The following MTR variants were observed in gnomAD, a reference collection of about 807,000 sequenced individuals.
MTR encodes methionine synthase.
Under a neutral mutation model 154.8 loss-of-function variants are expected in MTR, and 84 were observed. The ratio of observed to expected loss-of-function variants is 0.54; its 90% confidence interval spans 0.45 to 0.65. The LOEUF is 0.65. MTR is among the 30% of genes least tolerant of loss of function. The pLI is 0.00. For missense variants in MTR, 1,275 were observed against 1,570.2 expected (o/e 0.81, Z 3.18); for synonymous variants, 554 against 553.9 (o/e 1.00, Z 0.00).
chr1:236,893,219 ATGCACAGCTGTCCC>A (rs1666429974), intron 29 of MTR, among the ~76,000 whole-genome samples: 3 of 152,136 alleles, frequency 2.0e-5, no homozygotes, highest in Admixed American at 2.0e-4. Context: ...CGGCTTCCCC[ATGCACAGCTGTCCC>A]TGAGCTCTGT....
chr1:236,891,362 C>CT (rs1419926484), intron 29 of MTR, 33 bp downstream of exon 29: 1 of 1,594,572 alleles, frequency 6.3e-7, no homozygotes, highest in African/African-American at 1.3e-5. Context: ...CAGCACACCG[C>CT]TTTCGCTTGT....
At chr1:236,807,107 T>C (rs1346383315) in intron 3 of MTR, among the ~76,000 whole-genome samples, 1 of 152,206 alleles carries the variant, frequency 6.6e-6, no homozygotes, top group Non-Finnish European at 1.5e-5. Flanking sequence ...ACACAGAAGT[T>C]GAATTGTTAG....
At chr1:236,837,059 C>T (rs1431631194) in intron 14 of MTR, among the ~76,000 whole-genome samples, 1 of 152,172 alleles carries the variant, frequency 6.6e-6, no homozygotes, top group African/African-American at 2.4e-5. Flanking sequence ...TGCCCTACTA[C>T]CACAACTTAT....
intron 14 of MTR, among the ~76,000 whole-genome samples, chr1:236,836,616 G>GT (rs1225475132): frequency 1.3e-5 from 2 of 152,084 alleles, no homozygotes; most frequent in African/African-American, 2.4e-5. Context: ...TGAGCTCTTG[G>GT]TTTTTTTATT....
rs780766870 is a variant in MTR at position 236,816,437 on chromosome 1, T to C, written c.670-12T>C. On this transcript the variant is annotated splice_polypyrimidine_tract_variant and intron_variant, in intron 7 of 32. Transcript: ENST00000366577. ...GTCTGTATTGTTGACTTTGTTTACT[T>C]TGTCAATTCAGATTTCAGGGACGAT... is the stretch of plus-strand genomic sequence containing the variant. The C allele has an allele frequency of 2.5e-6, 4 of 1,611,724 alleles. No individual in the cohort carries two copies. Among genetic ancestry groups the C allele is most frequent in the Non-Finnish European group, 1.7e-6 (2 of 1,177,794 alleles).
intron 29 of MTR, among the ~76,000 whole-genome samples, chr1:236,892,313 CA>C (rs1337471606): frequency 6.6e-6 from 1 of 151,850 alleles, no homozygotes; most frequent in East Asian, 1.9e-4. Context: ...CTCTACAAAA[CA>C]AATTTAAAAA....
intron 32 of MTR, 152 bp from the exon 33 acceptor site, chr1:236,897,406 G>A (rs181956408): frequency 3.8e-6 from 3 of 796,954 alleles, no homozygotes; most frequent in African/African-American, 1.7e-5. Context: ...AAGGCAACTT[G>A]GTAGATAAAT....
intron 1 of MTR, among the ~76,000 whole-genome samples, chr1:236,796,031 TC>T (rs1660365004): frequency 6.6e-6 from 1 of 150,548 alleles, no homozygotes; most frequent in African/African-American, 2.4e-5. Context: ...ACTTTCCAGT[TC>T]CACGCAGCAT....
chr1:236,872,330 T>G (rs374092494), intron 22 of MTR, among the ~76,000 whole-genome samples: 5 of 152,228 alleles, frequency 3.3e-5, no homozygotes, highest in African/African-American at 1.2e-4. Context: ...AGAGTCTGCC[T>G]TTCCTTTCAG....
At chr1:236,851,031 T>G (rs1414301822) in intron 16 of MTR, among the ~76,000 whole-genome samples, 1 of 152,230 alleles carries the variant, frequency 6.6e-6, no homozygotes, top group African/African-American at 2.4e-5. Flanking sequence ...GTTGCTTTTC[T>G]TCATAAATTT....
intron 8 of MTR, chr1:236,820,469 T>C: frequency 7.1e-7 from 1 of 1,406,826 alleles, no homozygotes; most frequent in Non-Finnish European, 9.9e-7. Flanking sequence ...GGTCTGCAGC[T>C]CCCACTGCTC....
chr1:236,880,688 T>C, intron 24 of MTR, 67 bp from the exon 25 acceptor site: 1 of 1,271,510 alleles, frequency 7.9e-7, no homozygotes, highest in Non-Finnish European at 1.2e-6. Flanking sequence ...CTAATGGCGC[T>C]GAACAAGAGT....
chr1:236,802,405 G>C (rs1660746910), intron 1 of MTR, among the ~76,000 whole-genome samples: 1 of 152,100 alleles, frequency 6.6e-6, no homozygotes, highest in African/African-American at 2.4e-5. Context: ...TCAGGAGAGT[G>C]GTGGAGGAGG....
intron 26 of MTR, 73 bp from the exon 27 acceptor site, chr1:236,886,219 T>G (rs1266845216): frequency 1.7e-5 from 22 of 1,259,740 alleles, no homozygotes; most frequent in Non-Finnish European, 2.4e-5. Flanking sequence ...ATACTGGCCT[T>G]CTTGGACATG....
chr1:236,874,700 T>G lies in MTR; in HGVS notation c.2474-26T>G, dbSNP rs1250274598. The G allele has an allele frequency of 1.2e-5, 10 of 826,808 alleles. No homozygotes were observed. The East Asian group carries it at 5.8e-4, about 48-fold the overall frequency. The allele number at this position is 826,808 out of a possible 1,614,324, so 51.2% of individuals were successfully genotyped here. On this transcript the variant is annotated intron_variant, in intron 23 of 32. Transcript: ENST00000366577. ...TCTTCCTCACTGTCCTTTTTGTCCT[T>G]TTTTTTTTAAAAAAAAAAAAAATAG... is the stretch of plus-strand genomic sequence containing the variant.
intron 22 of MTR, among the ~76,000 whole-genome samples, chr1:236,866,389 A>G (rs1468291067): frequency 6.6e-6 from 1 of 152,172 alleles, no homozygotes; most frequent in Non-Finnish European, 1.5e-5. Flanking sequence ...ATAAATATAT[A>G]TATTTTGACT....
At position 236,862,284 on chromosome 1, in the gene MTR, C is replaced by T. The variant is rs142250261; in HGVS notation, c.2245C>T (p.Pro749Ser). The T allele has an allele frequency of 1.2e-3, 2,013 of 1,613,836 alleles. No homozygotes were observed. Among genetic ancestry groups the T allele is most frequent in the Non-Finnish European group, 1.5e-3 (1,807 of 1,179,896 alleles). The change falls in exon 21 of 33, where the codon CCT (proline) becomes TCT (serine). Residue 749 changes from proline (P) to serine (S), a missense_variant. Transcript: ENST00000366577. The part of the protein sequence containing the change: ...VMKKAVGHLI[P>S]FMEKEREETR... ...GAAGAAGGCTGTTGGCCACCTTATCCCTTTCATGGAAAAAGAAAGAGAAGA... is the reference window on the plus strand; with the variant it reads ...GAAGAAGGCTGTTGGCCACCTTATCTCTTTCATGGAAAAAGAAAGAGAAGA...
At chr1:236,796,573 A>C (rs925606396) in intron 1 of MTR, among the ~76,000 whole-genome samples, 1 of 152,150 alleles carries the variant, frequency 6.6e-6, no homozygotes, top group African/African-American at 2.4e-5. Context: ...TTCGTAACGC[A>C]CAAGGAAATT....
chr1:236,852,256 C>CGTGTGT (rs3856242), intron 16 of MTR, among the ~76,000 whole-genome samples: 51 of 150,450 alleles, frequency 3.4e-4, no homozygotes, highest in African/African-American at 1.0e-3. Flanking sequence ...TGTCTTTCTG[C>CGTGTGT]GTGTGTGTGT....
Sources: gnomAD v4.1 joint callset for allele counts (sites outside exome capture counted in the v4.1 genomes callset) on GRCh38, gnomAD v4.1.1 for gene constraint, MANE v1.5 for transcripts, NCBI Gene and HGNC (gene_info 2026-07-23, HGNC 2026-07-21) for gene names.